FRMD4A: variants seen among roughly 807,000 people sequenced by gnomAD.
The protein encoded by FRMD4A is FERM domain-containing protein 4A.
Under a neutral mutation model 129.1 loss-of-function variants are expected in FRMD4A, and 29 were observed. The observed-to-expected ratio is 0.22, with a 90% CI of 0.17 to 0.31. The LOEUF (loss-of-function observed/expected upper bound fraction) is 0.31, where lower values mean the gene tolerates loss of function less well. Among genes scored for constraint, FRMD4A ranks in the 10% least tolerant of loss-of-function variants. FRMD4A has a pLI of 1.00. For missense variants in FRMD4A, 1,272 were observed against 1,375.8 expected, an observed-to-expected ratio of 0.92 and a Z score of 1.19; for synonymous variants, 634 against 571.6, an observed-to-expected ratio of 1.11 and a Z score of -1.56.
At chr10:13,685,606 G>A (rs760232036) in intron 15 of FRMD4A, 25 of 984,036 alleles carry the variant, frequency 2.5e-5, no homozygotes, top group Non-Finnish European at 3.0e-5. Context: ...CTGCAACAGA[G>A]GGCTGGCCCT....
chr10:14,032,720 A>T (rs78663299), intron 2 of FRMD4A, among the ~76,000 whole-genome samples: 3,378 of 152,210 alleles, frequency 0.022, 108 homozygotes, highest in African/African-American at 0.075. Context: ...CACCCCTCAG[A>T]CACCAGCATG....
At position 13,646,054 on chromosome 10, in the gene FRMD4A, C is replaced by T. The variant is rs2081097086; in HGVS notation, c.*984G>A. Reference sequence around the variant, plus strand: ...CCGGGGCTAACAGTACCCTCTACGACTCCCACAGGTCTCTCTTTGTGTCCA... The same window carrying T: ...CCGGGGCTAACAGTACCCTCTACGATTCCCACAGGTCTCTCTTTGTGTCCA... On this transcript the variant is annotated 3_prime_UTR_variant, in exon 25 of 25. Coordinates refer to ENST00000357447, the MANE Select transcript of FRMD4A (RefSeq NM_018027.5). 1 of 152,442 alleles carries T rather than the reference C, an allele frequency of 6.6e-6. No homozygotes were observed. The highest frequency in any genetic ancestry group is 2.4e-5 in the African/African-American group (1 of 41,436). 9.4% of individuals were successfully genotyped at this position (152,442 alleles called of 1,614,324 possible).
At chr10:14,241,613 A>G (rs10906636) in intron 2 of FRMD4A, among the ~76,000 whole-genome samples, 55,516 of 146,776 alleles carry the variant, frequency 0.38, 11,607 homozygotes, top group South Asian at 0.47. Context: ...TTTATTAGCC[A>G]ATACCGAATT....
At position 13,751,288 on chromosome 10, in the gene FRMD4A, CTG is replaced by C. The variant is rs1290866496; in HGVS notation, c.465-3471_465-3470del. On this transcript the variant is annotated intron_variant, in intron 8 of 24. Coordinates refer to ENST00000357447, the MANE Select transcript of FRMD4A (RefSeq NM_018027.5). Reference sequence around the variant, plus strand: ...GAAGCCTGCAGTGAGTTCTCTAGCTCTGCTCCAGGGCAAGGTTACACACAAAA... The same window carrying C: ...GAAGCCTGCAGTGAGTTCTCTAGCTCCTCCAGGGCAAGGTTACACACAAAA... Among the ~76,000 whole-genome samples, 57 of 152,282 alleles carry C rather than the reference CTG, an allele frequency of 3.7e-4. 2 individuals are homozygous for C. In the East Asian group the frequency reaches 0.01, roughly 27 times the overall value.
At chr10:13,658,023 G>T (rs2082321014) in intron 21 of FRMD4A, among the ~76,000 whole-genome samples, 1 of 147,196 alleles carries the variant, frequency 6.8e-6, no homozygotes, top group African/African-American at 2.7e-5. Context: ...TACACCAGGG[G>T]TCCCAGCTAG....
intron 2 of FRMD4A, among the ~76,000 whole-genome samples, chr10:14,178,670 T>C (rs1589132849): frequency 6.6e-6 from 1 of 152,140 alleles, no homozygotes; most frequent in African/African-American, 2.4e-5. Flanking sequence ...CATTGATCAA[T>C]GTTACCAAAG....
chr10:13,748,600 T>C (rs2091414822), intron 8 of FRMD4A, among the ~76,000 whole-genome samples: 1 of 152,154 alleles, frequency 6.6e-6, no homozygotes, highest in Non-Finnish European at 1.5e-5. Flanking sequence ...CCTGTAACTT[T>C]TGCTTTTGAG....
intron 2 of FRMD4A, among the ~76,000 whole-genome samples, chr10:14,312,206 C>T (rs908927487): frequency 1.3e-5 from 2 of 152,182 alleles, no homozygotes; most frequent in Non-Finnish European, 2.9e-5. Context: ...CTTTGAGAGG[C>T]AGCAGATGTG....
At chr10:13,747,844 GCACT>G (rs767267600) in intron 8 of FRMD4A, 25 bp from the exon 9 acceptor site, 1 of 1,318,266 alleles carries the variant, frequency 7.6e-7, no homozygotes, top group South Asian at 1.2e-5. Flanking sequence ...GCCCAGAAAC[GCACT>G]CACCCTCTGA....
chr10:14,327,172 A>G (rs1436518339), intron 2 of FRMD4A, among the ~76,000 whole-genome samples: 1 of 152,246 alleles, frequency 6.6e-6, no homozygotes, highest in Non-Finnish European at 1.5e-5. Flanking sequence ...CAATGGACCA[A>G]CTTAGGTTCC....
intron 2 of FRMD4A, among the ~76,000 whole-genome samples, chr10:14,193,685 AT>A (rs942508184): frequency 1.5e-5 from 2 of 129,898 alleles, no homozygotes; most frequent in African/African-American, 6.0e-5. Context: ...TGGTCTACAA[AT>A]TAAAAAAAAA....
At chr10:13,713,360 A>G (rs992729311) in intron 12 of FRMD4A, among the ~76,000 whole-genome samples, 1 of 152,198 alleles carries the variant, frequency 6.6e-6, no homozygotes, top group Non-Finnish European at 1.5e-5. Flanking sequence ...AAGCTCTGAC[A>G]ATGAACGAGA....
chr10:13,757,094 T>C (rs368979533), intron 8 of FRMD4A, among the ~76,000 whole-genome samples: 2 of 152,264 alleles, frequency 1.3e-5, no homozygotes, highest in African/African-American at 4.8e-5. Flanking sequence ...TGTTAGTTAG[T>C]TGGCCAATGG....
chr10:14,089,949 C>T (rs1457068234), intron 2 of FRMD4A, among the ~76,000 whole-genome samples: 2 of 152,206 alleles, frequency 1.3e-5, no homozygotes, highest in Non-Finnish European at 2.9e-5. Context: ...TAAAATAGAT[C>T]TTGCTCTACC....
At chr10:14,103,011 A>G (rs1438603521) in intron 2 of FRMD4A, among the ~76,000 whole-genome samples, 2 of 152,202 alleles carry the variant, frequency 1.3e-5, no homozygotes, top group Admixed American at 1.3e-4. Flanking sequence ...AACCCAGCCT[A>G]TAAGAAATTG....
intron 6 of FRMD4A, among the ~76,000 whole-genome samples, chr10:13,778,220 C>G (rs919944012): frequency 1.3e-5 from 2 of 151,778 alleles, no homozygotes; most frequent in Non-Finnish European, 1.5e-5. Flanking sequence ...GGTTTCAAAG[C>G]GCTTTCACAT....
intron 2 of FRMD4A, among the ~76,000 whole-genome samples, chr10:14,022,379 G>A (rs1176566298): frequency 4.6e-5 from 7 of 152,178 alleles, no homozygotes; most frequent in Non-Finnish European, 1.0e-4. Flanking sequence ...AGTTTGGAGT[G>A]GGGAACTCAC....
rs921787902 is a variant in FRMD4A, at chr10:14,077,659, T to C, written c.46-218747A>G. 4.6e-5 allele frequency among the ~76,000 whole-genome samples: 7 copies of C among 152,344 alleles called. No individual in the cohort carries two copies. In the South Asian group the frequency reaches 1.2e-3, roughly 27 times the overall value. On this transcript the variant is annotated intron_variant, in intron 2 of 24. Coordinates refer to ENST00000357447, the MANE Select transcript of FRMD4A (RefSeq NM_018027.5). ...CCCATGGAAGCCTGACAGCTTGATGTTGCATCTGTGAGAAGTGATTCATTG... is the reference window on the plus strand; with the variant it reads ...CCCATGGAAGCCTGACAGCTTGATGCTGCATCTGTGAGAAGTGATTCATTG...
intron 8 of FRMD4A, among the ~76,000 whole-genome samples, chr10:13,752,645 G>A (rs2091681983): frequency 6.6e-6 from 1 of 152,140 alleles, no homozygotes. Context: ...GGAACAGCCT[G>A]CAATTCAGAA....
Sources: allele counts gnomAD v4.1 joint callset (sites outside exome capture counted in the v4.1 genomes callset), GRCh38; gene constraint gnomAD v4.1.1; transcripts MANE v1.5; gene names NCBI Gene and HGNC (gene_info 2026-07-23, HGNC 2026-07-21).